The following CDC25C variants were observed in gnomAD, a reference collection of about 807,000 sequenced individuals.
CDC25C encodes M-phase inducer phosphatase 3.
Under a neutral mutation model 52.5 loss-of-function variants are expected in CDC25C, and 48 were observed. The ratio of observed to expected loss-of-function variants is 0.91; its 90% confidence interval spans 0.72 to 1.16. CDC25C has a LOEUF of 1.16. Among genes scored for constraint, CDC25C ranks in the 50% most tolerant of loss-of-function variants. The probability of loss-of-function intolerance (pLI) is 0.00; values close to 1 mark genes in which losing one functional copy is unlikely to be tolerated. For missense variants in CDC25C, 510 were observed against 566.1 expected (o/e 0.90, Z 1.01); for synonymous variants, 187 against 206.5 (o/e 0.91, Z 0.81).
At chr5:138,325,040 A>C (rs1759743890) in intron 6 of CDC25C, among the ~76,000 whole-genome samples, 1 of 152,234 alleles carries the variant, frequency 6.6e-6, no homozygotes, top group South Asian at 2.1e-4. Flanking sequence ...ACTGCACTCC[A>C]GCCTGGGCGA....
chr5:138,320,915 C>CAAAAAAAA (rs57923567), intron 6 of CDC25C, among the ~76,000 whole-genome samples: 2 of 42,256 alleles, frequency 4.7e-5, no homozygotes, highest in African/African-American at 1.1e-4. Context: ...GACTCTGTCT[C>CAAAAAAAA]AAAAAAAAAA....
At chr5:138,298,326 C>T (rs1025070255) in intron 7 of CDC25C, among the ~76,000 whole-genome samples, 2 of 151,988 alleles carry the variant, frequency 1.3e-5, no homozygotes, top group Non-Finnish European at 2.9e-5. Context: ...ACCTCAAAAA[C>T]TAATTTAAAC....
At chr5:138,306,820 C>CA (rs1230739766) in intron 7 of CDC25C, among the ~76,000 whole-genome samples, 34 of 145,868 alleles carry the variant, frequency 2.3e-4, no homozygotes, top group South Asian at 4.3e-4. Flanking sequence ...AAAACAGTAA[C>CA]AAAAAAAAAT....
intron 7 of CDC25C, among the ~76,000 whole-genome samples, chr5:138,304,331 C>CTTTT (rs558050918): frequency 3.6e-3 from 363 of 100,900 alleles, no homozygotes; most frequent in African/African-American, 6.1e-3. Context: ...CCATGCCTGG[C>CTTTT]TTTTTTTTTT....
rs1759327311 is a variant in CDC25C, at chr5:138,320,935, AAAAAAAAAAAGT to A, written c.460-1573_460-1562del. Among the ~76,000 whole-genome samples, 4 of 149,802 alleles carry A rather than the reference AAAAAAAAAAAGT, an allele frequency of 2.7e-5. No individual in the cohort carries two copies. In the Middle Eastern group the frequency reaches 0.01, roughly 393 times the overall value. On this transcript the variant is annotated intron_variant, in intron 6 of 13. Coordinates refer to ENST00000323760, the MANE Select transcript of CDC25C (RefSeq NM_001790.5). ...TGTCTCAAAAAAAAAAAAAAAAAAA[AAAAAAAAAAAGT>A]AGCCAGGCATAGTGGCACACACTTG...
In CDC25C at chr5:138,293,715, T is replaced by C. The variant is rs899340923; in HGVS notation, c.616-1599A>G. On this transcript the variant is annotated intron_variant, in intron 7 of 13. Coordinates refer to ENST00000323760, the MANE Select transcript of CDC25C (RefSeq NM_001790.5). ...TGGTTGGAGTGCAGTGGCACAATCT[T>C]AGCTCACTGCAACCTCTGCCTCTCA... Among the ~76,000 whole-genome samples the C allele has an allele frequency of 3.3e-5, 5 of 151,590 alleles. No individual in the cohort carries two copies. In the South Asian group the frequency reaches 1.0e-3, roughly 32 times the overall value.
At chr5:138,321,035 C>T (rs943485868) in intron 6 of CDC25C, among the ~76,000 whole-genome samples, 2 of 151,290 alleles carry the variant, frequency 1.3e-5, no homozygotes, top group African/African-American at 4.9e-5. Flanking sequence ...TTTGAGGCTG[C>T]AGTGAGTTAT....
At chr5:138,307,503 A>G (rs1348705158) in intron 7 of CDC25C, among the ~76,000 whole-genome samples, 1 of 151,480 alleles carries the variant, frequency 6.6e-6, no homozygotes, top group Admixed American at 6.6e-5. Context: ...AAAAAAAAAA[A>G]AAAAAAAAGA....
upstream of CDC25C, chr5:138,331,962 T>C (rs1760430695): frequency 1.1e-6 from 1 of 946,992 alleles, no homozygotes. Context: ...GTGCTTGCTC[T>C]GGAAATGGTA....
At chr5:138,325,733 T>C in intron 6 of CDC25C, 82 bp downstream of exon 6, 1 of 931,244 alleles carries the variant, frequency 1.1e-6, no homozygotes, top group Admixed American at 1.9e-5. Flanking sequence ...GTATAAACAG[T>C]TCTATGTCTC....
chr5:138,291,963 T>C lies in CDC25C; in HGVS notation c.762+7A>G. The stretch of plus-strand genomic sequence containing the variant: ...TGAACAAGATTTTCATCTTAAAAAG[T>C]TCTTACCTTCCTGAGCTTTCCTTGG... On this transcript the variant is annotated splice_region_variant and intron_variant, in intron 8 of 13. Coordinates refer to ENST00000323760, the MANE Select transcript of CDC25C (RefSeq NM_001790.5). 6.3e-7 allele frequency: 1 copy of C among 1,599,474 alleles called. No individual in the cohort carries two copies. The highest frequency in any genetic ancestry group is 8.5e-7 in the Non-Finnish European group (1 of 1,172,496).
intron 7 of CDC25C, among the ~76,000 whole-genome samples, chr5:138,301,536 T>A: frequency 6.6e-6 from 1 of 150,758 alleles, no homozygotes; most frequent in Non-Finnish European, 1.5e-5. Flanking sequence ...TAAAACCAAT[T>A]CTATATAAAC....
At chr5:138,334,966 G>C (rs1342825191), upstream of CDC25C, 2 of 152,252 alleles carry the variant, frequency 1.3e-5, no homozygotes, top group Non-Finnish European at 2.9e-5. Context: ...CTGTTGGATT[G>C]AGGGCATTGA....
At chr5:138,287,591 GA>G (rs1170061754) in intron 10 of CDC25C, among the ~76,000 whole-genome samples, 1 of 152,186 alleles carries the variant, frequency 6.6e-6, no homozygotes, top group Non-Finnish European at 1.5e-5. Flanking sequence ...GCAGCAGCTA[GA>G]GAGCTTGAAA....
chr5:138,307,492 A>G (rs1296428926), intron 7 of CDC25C, among the ~76,000 whole-genome samples: 2 of 10,466 alleles, frequency 1.9e-4, no homozygotes, highest in South Asian at 1.8e-3. Context: ...GACTGCCACA[A>G]AAAAAAAAAA....
At chr5:138,338,271 T>C (rs1295672591) in exon 1 of CDC25C, 2 of 962,028 alleles carry the variant, frequency 2.1e-6, no homozygotes, top group South Asian at 1.3e-5. Context: ...CGCTCAGAGC[T>C]GCTCCGGCCG....
Position 138,328,523 on chromosome 5 carries a change from A to C in CDC25C, c.296T>G (p.Leu99Arg). 2.5e-6 allele frequency: 4 copies of C among 1,613,328 alleles called. No individual in the cohort carries two copies. The highest frequency in any genetic ancestry group is 3.4e-6 in the Non-Finnish European group (4 of 1,179,242). ...CACTTCCTGAAGTCCTGAAGAATCC[A>C]GGTGACCTGCAATCAAATATAAAGA... ...TSADLDETGH[L>R]DSSGLQEVHL... is the part of the protein sequence containing the mutation. The change falls in exon 4 of 14, where the codon CTG (leucine) becomes CGG (arginine). Residue 99 changes from leucine (L) to arginine (R), a missense_variant. Transcript: ENST00000323760.
chr5:138,287,028 T>C (rs765710099), intron 11 of CDC25C, 141 bp downstream of exon 11: 4 of 588,310 alleles, frequency 6.8e-6, no homozygotes, highest in African/African-American at 3.7e-5. Context: ...ATTAAAACAA[T>C]GAGGACCTCA....
At chr5:138,307,490 C>CATAAAA (rs1758096918) in intron 7 of CDC25C, among the ~76,000 whole-genome samples, 1 of 88,248 alleles carries the variant, frequency 1.1e-5, no homozygotes, top group African/African-American at 4.6e-5. Context: ...GAGACTGCCA[C>CATAAAA]AAAAAAAAAA....
Sources: gnomAD v4.1 joint callset for allele counts (sites outside exome capture counted in the v4.1 genomes callset) on GRCh38, gnomAD v4.1.1 for gene constraint, MANE v1.5 for transcripts, NCBI Gene and HGNC (gene_info 2026-07-23, HGNC 2026-07-21) for gene names.